PPARGC1A: variants seen among roughly 807,000 people sequenced by gnomAD.
The protein encoded by PPARGC1A is PPARG coactivator 1 alpha, also known as peroxisome proliferator-activated receptor gamma coactivator 1-alpha.
In PPARGC1A, 25 loss-of-function variants were observed where a neutral mutation model predicts 88.7. The observed-to-expected ratio is 0.28, with a 90% CI of 0.21 to 0.39. PPARGC1A has a LOEUF of 0.39. PPARGC1A is among the 10% of genes least tolerant of loss of function. PPARGC1A has a pLI of 1.00. For missense variants in PPARGC1A, 880 were observed against 968.7 expected (o/e 0.91, Z 1.22); for synonymous variants, 363 against 355.6 (o/e 1.02, Z -0.24).
At chr4:24,168,378 C>T in the PPARGC1A span, among the ~76,000 whole-genome samples, 7 of 152,294 alleles carry the variant, frequency 4.6e-5, no homozygotes, top group African/African-American at 1.2e-4. Flanking sequence ...CACCACATCA[C>T]AACTTTGTCT....
intron 1 of PPARGC1A, among the ~76,000 whole-genome samples, chr4:23,887,203 GCTCT>G (rs3836557): frequency 5.3e-5 from 8 of 150,522 alleles, no homozygotes; most frequent in African/African-American, 1.7e-4. Context: ...TCGCTCGTGC[GCTCT>G]CTCTCTCTCT....
At chr4:23,892,971 C>CT (rs2148861656), upstream of PPARGC1A, among the ~76,000 whole-genome samples, 1 of 152,280 alleles carries the variant, frequency 6.6e-6, no homozygotes, top group South Asian at 2.1e-4. Flanking sequence ...TCATTGACCA[C>CT]TGCAGTTCAC....
the PPARGC1A span, among the ~76,000 whole-genome samples, chr4:24,053,802 T>G: frequency 0.62 from 94,486 of 151,940 alleles, 29,529 homozygotes; most frequent in Non-Finnish European, 0.64. Context: ...TGTGACTGGG[T>G]ATCCATAAAT....
the PPARGC1A span, among the ~76,000 whole-genome samples, chr4:24,294,584 C>T: frequency 1.3e-5 from 2 of 152,224 alleles, no homozygotes; most frequent in Non-Finnish European, 1.5e-5. Flanking sequence ...ACAACTTCCC[C>T]ACCCCCACTC....
the PPARGC1A span, among the ~76,000 whole-genome samples, chr4:24,283,821 A>G: frequency 6.6e-6 from 1 of 152,208 alleles, no homozygotes; most frequent in Non-Finnish European, 1.5e-5. Flanking sequence ...GGATAATGAC[A>G]CTCAGCTCTC....
At chr4:24,231,256 A>C in the PPARGC1A span, among the ~76,000 whole-genome samples, 1 of 152,194 alleles carries the variant, frequency 6.6e-6, no homozygotes, top group Non-Finnish European at 1.5e-5. Context: ...TGCTGCTAAA[A>C]TGAGGCAGAA....
At chr4:24,172,884 A>G in the PPARGC1A span, among the ~76,000 whole-genome samples, 6 of 152,160 alleles carry the variant, frequency 3.9e-5, no homozygotes, top group Admixed American at 2.0e-4. Context: ...AGTTTTTGCC[A>G]TCTTACCATT....
intron 7 of PPARGC1A, among the ~76,000 whole-genome samples, chr4:23,818,408 A>G (rs1349500505): frequency 6.6e-6 from 1 of 152,162 alleles, no homozygotes. Context: ...TCTTTTGTCA[A>G]AAGAGCCTGC....
At chr4:24,327,757 T>G in the PPARGC1A span, among the ~76,000 whole-genome samples, 1 of 151,966 alleles carries the variant, frequency 6.6e-6, no homozygotes, top group Non-Finnish European at 1.5e-5. Context: ...CCCCAAAAAT[T>G]TTTGCCGCCC....
At chr4:23,978,097 C>T in the PPARGC1A span, among the ~76,000 whole-genome samples, 1 of 152,154 alleles carries the variant, frequency 6.6e-6, no homozygotes, top group East Asian at 1.9e-4. Flanking sequence ...TCCAAATGTC[C>T]AATTTGCATC....
the PPARGC1A span, among the ~76,000 whole-genome samples, chr4:24,351,515 G>T: frequency 6.6e-6 from 1 of 151,922 alleles, no homozygotes; most frequent in South Asian, 2.1e-4. Context: ...CAGGTTTAAA[G>T]AGATATTTTG....
the PPARGC1A span, among the ~76,000 whole-genome samples, chr4:23,912,256 A>G: frequency 6.6e-6 from 1 of 151,834 alleles, no homozygotes; most frequent in Admixed American, 6.6e-5. Flanking sequence ...AGGACTTAAC[A>G]CCCCTGGCTT....
chr4:24,213,395 T>C, the PPARGC1A span, among the ~76,000 whole-genome samples: 1 of 152,096 alleles, frequency 6.6e-6, no homozygotes, highest in Non-Finnish European at 1.5e-5. Context: ...CTCGATCTCC[T>C]GACCTCGTGA....
At chr4:23,858,136 C>G (rs1175743663) in intron 2 of PPARGC1A, among the ~76,000 whole-genome samples, 1 of 152,020 alleles carries the variant, frequency 6.6e-6, no homozygotes, top group East Asian at 1.9e-4. Flanking sequence ...AAGGCAAAAG[C>G]TATTACTTCC....
At chr4:23,877,206 T>C (rs1170501643) in intron 2 of PPARGC1A, among the ~76,000 whole-genome samples, 2 of 151,974 alleles carry the variant, frequency 1.3e-5, no homozygotes, top group Non-Finnish European at 2.9e-5. Flanking sequence ...AACGTACCTC[T>C]GAGCGCACAG....
chr4:24,151,592 C>G, the PPARGC1A span, among the ~76,000 whole-genome samples: 1 of 152,168 alleles, frequency 6.6e-6, no homozygotes. Context: ...TTGTGCCAAG[C>G]ACTGTTCTAA....
the PPARGC1A span, among the ~76,000 whole-genome samples, chr4:24,368,070 C>G: frequency 1.3e-5 from 2 of 152,264 alleles, no homozygotes; most frequent in South Asian, 4.2e-4. Context: ...AAAATACCTT[C>G]CTACAACTTG....
chr4:24,249,483 G>A, the PPARGC1A span, among the ~76,000 whole-genome samples: 2 of 152,156 alleles, frequency 1.3e-5, no homozygotes, highest in African/African-American at 2.4e-5. Context: ...AGCGGCTTCC[G>A]TTCCTGGACT....
intron 2 of PPARGC1A, chr4:23,882,084 T>G (rs531618615): frequency 1.3e-5 from 2 of 152,380 alleles, no homozygotes; most frequent in South Asian, 4.1e-4. Context: ...CCTCATGCCA[T>G]GCAAATACTC....
Sources: allele counts gnomAD v4.1 joint callset (sites outside exome capture counted in the v4.1 genomes callset), GRCh38; gene constraint gnomAD v4.1.1; transcripts MANE v1.5; gene names NCBI Gene and HGNC (gene_info 2026-07-23, HGNC 2026-07-21).